CCDC91: variants seen among roughly 807,000 people sequenced by gnomAD.
CCDC91 encodes the protein coiled-coil domain containing 91, also known as coiled-coil domain-containing protein 91.
Under a neutral mutation model 63.2 loss-of-function variants are expected in CCDC91, and 48 were observed. The ratio of observed to expected loss-of-function variants is 0.76; its 90% CI spans 0.60 to 0.97. CCDC91 has a LOEUF of 0.97. CCDC91 is among the 50% of genes least tolerant of loss of function. CCDC91 has a pLI of 0.00. For synonymous variants in CCDC91, 167 were observed against 165.8 expected, an observed-to-expected ratio of 1.01 and a Z score of -0.06; for missense variants, 500 against 494.6, an observed-to-expected ratio of 1.01 and a Z score of -0.10.
chr12:28,433,204 T>C (rs944306169), intron 8 of CCDC91, among the ~76,000 whole-genome samples: 3 of 152,014 alleles, frequency 2.0e-5, no homozygotes, highest in Non-Finnish European at 2.9e-5. Context: ...ATGGTGCAGA[T>C]GTTTTTAATT....
At chr12:28,467,364 AG>A (rs1388909733) in intron 11 of CCDC91, among the ~76,000 whole-genome samples, 1 of 152,088 alleles carries the variant, frequency 6.6e-6, no homozygotes, top group Admixed American at 6.5e-5. Flanking sequence ...GAAGAGACAA[AG>A]GTCACTATAT....
chr12:28,386,570 C>T (rs746601844), intron 7 of CCDC91, among the ~76,000 whole-genome samples: 2 of 151,966 alleles, frequency 1.3e-5, no homozygotes, highest in African/African-American at 2.4e-5. Flanking sequence ...GGTTTCATCA[C>T]GTTGGTCAGG....
At chr12:28,339,766 A>G (rs374001929) in intron 6 of CCDC91, among the ~76,000 whole-genome samples, 5 of 152,104 alleles carry the variant, frequency 3.3e-5, no homozygotes, top group East Asian at 1.9e-4. Flanking sequence ...GAGAAATTTG[A>G]GCCCTGAGAA....
At chr12:28,369,136 C>G (rs1028853484) in intron 7 of CCDC91, among the ~76,000 whole-genome samples, 1 of 152,164 alleles carries the variant, frequency 6.6e-6, no homozygotes, top group African/African-American at 2.4e-5. Context: ...GCAGTATTAA[C>G]CCAAAGTCCA....
chr12:28,268,047 TA>T (rs1478175581), intron 3 of CCDC91, among the ~76,000 whole-genome samples: 1 of 138,344 alleles, frequency 7.2e-6, no homozygotes, highest in Admixed American at 8.0e-5. Flanking sequence ...AATTAAAAAT[TA>T]AAAATTAAAA....
At chr12:28,279,436 A>T (rs560196065) in intron 3 of CCDC91, among the ~76,000 whole-genome samples, 2 of 152,234 alleles carry the variant, frequency 1.3e-5, no homozygotes, top group African/African-American at 2.4e-5. Context: ...AGAGCAATCT[A>T]TTCTTAAGGT....
intron 1 of CCDC91, among the ~76,000 whole-genome samples, chr12:28,221,802 C>A (rs900356363): frequency 6.6e-6 from 1 of 152,162 alleles, no homozygotes; most frequent in Admixed American, 6.6e-5. Flanking sequence ...TTTTCTCCCA[C>A]GTTTATGTAG....
Position 28,235,669 on chromosome 12 carries a change from G to A in CCDC91, c.-14-21533G>A, listed in dbSNP as rs376626392. Among the ~76,000 whole-genome samples the A allele has an allele frequency of 4.0e-5, 6 of 151,768 alleles. No homozygotes were observed. The East Asian group carries it at 1.2e-3, about 29-fold the overall frequency. ...AATTTGAGTTACAATCTTCTGGCAT[G>A]CTGCAAATCCCATTTGGATTCCTGG... On this transcript the variant is annotated intron_variant, in intron 1 of 12. Transcript: ENST00000536442.
intron 11 of CCDC91, among the ~76,000 whole-genome samples, chr12:28,457,601 A>T (rs1322693594): frequency 6.6e-6 from 1 of 151,486 alleles, no homozygotes; most frequent in Non-Finnish European, 1.5e-5. Context: ...ACTGGCATTT[A>T]CTGAGGAGAT....
At chr12:28,300,056 C>T (rs1397618300) in intron 3 of CCDC91, among the ~76,000 whole-genome samples, 3 of 150,976 alleles carry the variant, frequency 2.0e-5, no homozygotes, top group Non-Finnish European at 3.0e-5. Flanking sequence ...ACAGAAAAAA[C>T]GTTTAATATA....
intron 12 of CCDC91, among the ~76,000 whole-genome samples, chr12:28,524,294 C>G (rs1199180333): frequency 6.6e-6 from 1 of 152,036 alleles, no homozygotes; most frequent in Non-Finnish European, 1.5e-5. Flanking sequence ...TGAGGCATGT[C>G]CCTTGTATGC....
intron 3 of CCDC91, among the ~76,000 whole-genome samples, chr12:28,270,436 A>G (rs1223761390): frequency 1.3e-5 from 2 of 152,262 alleles, no homozygotes; most frequent in East Asian, 1.9e-4. Context: ...CTTTAATTCA[A>G]TGTGGCTGAC....
chr12:28,541,821 A>G (rs1028838993), intron 12 of CCDC91, among the ~76,000 whole-genome samples: 12 of 152,234 alleles, frequency 7.9e-5, no homozygotes, highest in African/African-American at 2.6e-4. Context: ...GCCGGAATCA[A>G]TTCATCTTAT....
At chr12:28,205,623 A>C (rs1942787191) in intron 1 of CCDC91, among the ~76,000 whole-genome samples, 1 of 152,208 alleles carries the variant, frequency 6.6e-6, no homozygotes, top group Non-Finnish European at 1.5e-5. Context: ...GAAATGACAT[A>C]CAGCAATTGG....
chr12:28,338,585 C>G (rs966276076), intron 6 of CCDC91, among the ~76,000 whole-genome samples: 1 of 151,790 alleles, frequency 6.6e-6, no homozygotes, highest in African/African-American at 2.4e-5. Flanking sequence ...GCCCTGTAGG[C>G]CAAGGTAAGG....
chr12:28,505,045 C>A (rs1375102815), intron 12 of CCDC91, among the ~76,000 whole-genome samples: 1 of 151,914 alleles, frequency 6.6e-6, no homozygotes, highest in African/African-American at 2.4e-5. Flanking sequence ...GCGGAATGAA[C>A]TAATTTTCAC....
chr12:28,418,005 T>C (rs1333730830), intron 8 of CCDC91, among the ~76,000 whole-genome samples: 3 of 152,172 alleles, frequency 2.0e-5, no homozygotes, highest in East Asian at 3.8e-4. Flanking sequence ...TTGGCAATTA[T>C]GAATAAATCT....
intron 7 of CCDC91, among the ~76,000 whole-genome samples, chr12:28,371,904 G>A (rs1288312127): frequency 6.6e-6 from 1 of 152,132 alleles, no homozygotes; most frequent in African/African-American, 2.4e-5. Flanking sequence ...ACTATCTGGA[G>A]CTGCTTGCAT....
chr12:28,518,867 G>A (rs565624953), intron 12 of CCDC91, among the ~76,000 whole-genome samples: 3 of 151,862 alleles, frequency 2.0e-5, no homozygotes, highest in African/African-American at 7.2e-5. Context: ...ATTCTCCTAT[G>A]TGTAGCTTGC....
Sources: allele counts gnomAD v4.1 joint callset (sites outside exome capture counted in the v4.1 genomes callset), GRCh38; gene constraint gnomAD v4.1.1; transcripts MANE v1.5; gene names NCBI Gene and HGNC (gene_info 2026-07-23, HGNC 2026-07-21).